Variants in ZNF532 observed in about 807,000 individuals in gnomAD.
ZNF532 encodes zinc finger protein 532.
ZNF532 carries 22 observed loss-of-function variants against 89.3 expected under a neutral mutation model. The ratio of observed to expected loss-of-function variants is 0.25; its 90% CI spans 0.18 to 0.35. The LOEUF is 0.35. Ranked by LOEUF, ZNF532 falls within the 10% of genes least tolerant of loss-of-function variation. The pLI is 1.00. For missense variants in ZNF532, 1,132 were observed against 1,643.4 expected (o/e 0.69, Z 5.38); for synonymous variants, 606 against 649.6 (o/e 0.93, Z 1.02).
At chr18:58,888,787 A>ATATATATATATATAAATTAT in intron 2 of ZNF532, among the ~76,000 whole-genome samples, 1 of 8,162 alleles carries the variant, frequency 1.2e-4, no homozygotes, top group South Asian at 3.4e-3. Context: ...ATATATATAA[A>ATATATATATATATAAATTAT]ATATATATAA....
rs1352831113 is a variant in ZNF532, at chr18:58,915,873, G to T, written c.-17-2398G>T. Among the ~76,000 whole-genome samples, 3 of 152,284 alleles carry T rather than the reference G, an allele frequency of 2.0e-5. No individual in the cohort carries two copies. In the East Asian group the frequency reaches 5.8e-4, roughly 29 times the overall value. The stretch of plus-strand genomic sequence containing the variant: ...TGTTCCTGAACTGACTGCCCTCTGG[G>T]ATGAACAGTGTGAAACTGTATAAAG... On this transcript the variant is annotated intron_variant, in intron 2 of 9. Transcript: ENST00000591808.
chr18:58,941,111 T>TAAAA (rs2062983417), intron 5 of ZNF532, among the ~76,000 whole-genome samples: 1 of 152,092 alleles, frequency 6.6e-6, no homozygotes, highest in Non-Finnish European at 1.5e-5. Flanking sequence ...ACCTTCATTC[T>TAAAA]GATCTTTGTA....
At chr18:58,973,660 A>G (rs1344594029) in intron 7 of ZNF532, among the ~76,000 whole-genome samples, 2 of 152,190 alleles carry the variant, frequency 1.3e-5, no homozygotes, top group African/African-American at 4.8e-5. Flanking sequence ...CCCAAGAGAA[A>G]TCATATGCAC....
intron 2 of ZNF532, among the ~76,000 whole-genome samples, chr18:58,904,142 G>C (rs2059774526): frequency 6.6e-6 from 1 of 152,146 alleles, no homozygotes. Flanking sequence ...CTTCAGCTCA[G>C]GGGTTTGGGA....
rs531324197 is a variant in ZNF532, at chr18:58,898,676, C to T, written c.-17-19595C>T. Among the ~76,000 whole-genome samples the T allele has an allele frequency of 7.9e-5, 12 of 152,326 alleles. No homozygotes were observed. The South Asian group carries it at 2.5e-3, about 32-fold the overall frequency. On this transcript the variant is annotated intron_variant, in intron 2 of 9. Coordinates refer to ENST00000591808, the MANE Select transcript of ZNF532 (RefSeq NM_001375912.1). ...CTCAAGCTTCCCAGGAGCCTGTCTC[C>T]ATCTAGGGTGATTTTATCGTATTCC...
intron 2 of ZNF532, among the ~76,000 whole-genome samples, chr18:58,875,471 G>A (rs745718129): frequency 2.2e-4 from 34 of 152,272 alleles, no homozygotes; most frequent in Non-Finnish European, 4.3e-4. Flanking sequence ...ATTCATATTT[G>A]TTGATAACAT....
chr18:58,876,725 T>C (rs12969520), intron 2 of ZNF532, among the ~76,000 whole-genome samples: 19,539 of 152,232 alleles, frequency 0.13, 1,655 homozygotes, highest in Middle Eastern at 0.24. Flanking sequence ...GTGCCTGTTA[T>C]GACTTCATGA....
intron 5 of ZNF532, among the ~76,000 whole-genome samples, chr18:58,945,171 C>T (rs2063544509): frequency 1.3e-5 from 2 of 152,314 alleles, no homozygotes; most frequent in South Asian, 2.1e-4. Context: ...TCAGTGTCCC[C>T]TGTTCTCATG....
chr18:58,964,529 TTTTG>T lies in ZNF532; in HGVS notation c.3150+10736_3150+10739del, dbSNP rs1327887432. On this transcript the variant is annotated intron_variant, in intron 7 of 9. Transcript: ENST00000591808. ...TTAGTTTTGGCCACTGGAATTGATA[TTTTG>T]TTTGTGTGTGTGTGTGTGTGTGTGT... Among the ~76,000 whole-genome samples the T allele has an allele frequency of 1.8e-3, 260 of 140,776 alleles. 3 individuals are homozygous for T. The highest frequency in any genetic ancestry group is 0.013 in the Admixed American group (186 of 13,858). The allele number at this position is 140,776 out of a possible 152,430, so 92.4% of individuals were successfully genotyped here.
At chr18:58,966,792 C>T (rs930787621) in intron 7 of ZNF532, among the ~76,000 whole-genome samples, 1 of 131,628 alleles carries the variant, frequency 7.6e-6, no homozygotes, top group Non-Finnish European at 1.6e-5. Flanking sequence ...ATGCTCTTTA[C>T]TGTGACATGT....
At chr18:58,905,161 A>G (rs941190799) in intron 2 of ZNF532, among the ~76,000 whole-genome samples, 3 of 152,044 alleles carry the variant, frequency 2.0e-5, no homozygotes, top group South Asian at 2.1e-4. Context: ...TGTTTCTAAT[A>G]ACCTATGGTT....
chr18:58,973,154 A>C (rs1603336301), intron 7 of ZNF532, among the ~76,000 whole-genome samples: 1 of 152,306 alleles, frequency 6.6e-6, no homozygotes, highest in South Asian at 2.1e-4. Context: ...CCAGGCTGGA[A>C]TGCAGTGGCA....
rs987547758 is a variant in ZNF532 at position 58,953,996 on chromosome 18, G to A, written c.3150+197G>A. ...AATCCTTCAGTCTTCAGTTTTCCTG[G>A]TCATTGCCTTCACATGCACTCCTCC... On this transcript the variant is annotated intron_variant, in intron 7 of 9. Coordinates refer to ENST00000591808, the MANE Select transcript of ZNF532 (RefSeq NM_001375912.1). 1.9e-5 allele frequency: 19 copies of A among 985,290 alleles called. No individual in the cohort carries two copies. In the East Asian group the frequency reaches 1.7e-3, roughly 88 times the overall value. The allele number at this position is 985,290 out of a possible 1,614,324, so 61.0% of individuals were successfully genotyped here.
chr18:58,984,610 G>A lies in ZNF532; in HGVS notation c.*144G>A, dbSNP rs1318620683. ...CTTTCAATGTACCTTCCTTCACCTCGTCGTATATATCCTCGATAAGTATTA... is the reference window on the plus strand; with the variant it reads ...CTTTCAATGTACCTTCCTTCACCTCATCGTATATATCCTCGATAAGTATTA... On this transcript the variant is annotated 3_prime_UTR_variant, in exon 10 of 10. Transcript: ENST00000591808. 20 of 942,400 alleles carry A rather than the reference G, an allele frequency of 2.1e-5. No homozygotes were observed. Among genetic ancestry groups the A allele is most frequent in the South Asian group, 3.7e-5 (2 of 54,308 alleles). The allele number at this position is 942,400 out of a possible 1,614,324, so 58.4% of individuals were successfully genotyped here.
intron 2 of ZNF532, among the ~76,000 whole-genome samples, chr18:58,870,043 G>T (rs2056846258): frequency 6.7e-6 from 1 of 150,120 alleles, no homozygotes; most frequent in Non-Finnish European, 1.5e-5. Flanking sequence ...TGGGATTACA[G>T]GTGTGAGCCA....
At chr18:58,875,492 C>T (rs1412984231) in intron 2 of ZNF532, among the ~76,000 whole-genome samples, 1 of 152,104 alleles carries the variant, frequency 6.6e-6, no homozygotes, top group Non-Finnish European at 1.5e-5. Flanking sequence ...TGAGTCTCTC[C>T]TTCTGTTAAC....
intron 3 of ZNF532, among the ~76,000 whole-genome samples, chr18:58,933,733 CT>C (rs1419698461): frequency 6.6e-6 from 1 of 152,126 alleles, no homozygotes; most frequent in Non-Finnish European, 1.5e-5. Context: ...TGGATAGTTA[CT>C]GATATAGAGC....
Position 58,981,478 on chromosome 18 carries a change from C to A in ZNF532, c.3272C>A (p.Pro1091Gln). The change falls in exon 9 of 10, where the codon CCA (proline) becomes CAA (glutamine). Residue 1091 changes from proline (P) to glutamine (Q), a missense_variant. Pro to Gln is a moderately conservative substitution (Grantham distance 76). This residue lies in a region of ZNF532 where 415 missense variants were observed against 604.8 expected (regional missense o/e 0.69). Transcript: ENST00000591808. ...TGCCTTTCACCCCACAGGCACTGCC[C>A]AGACTCCAGACGTACCTTTACCAAA... ...IRKVYACSHCPDSRRTFTKRL... is the reference protein window; with the variant it reads ...IRKVYACSHCQDSRRTFTKRL... The A allele has an allele frequency of 3.7e-6, 6 of 1,612,616 alleles. No homozygotes were observed. In the South Asian group the frequency reaches 6.6e-5, roughly 18 times the overall value.
rs543890673 is a variant in ZNF532, at chr18:58,918,359, C to T, written c.72C>T (p.Val24=). 8.1e-6 allele frequency: 13 copies of T among 1,614,126 alleles called. No individual in the cohort carries two copies. The highest frequency in any genetic ancestry group is 4.0e-5 in the African/African-American group (3 of 75,036). Reference sequence around the variant, plus strand: ...CAGCATTTGACATCCCAGATATGGTCGATCCTAAAGCAGCTATTGAGTCTG... The same window carrying T: ...CAGCATTTGACATCCCAGATATGGTTGATCCTAAAGCAGCTATTGAGTCTG... ...LLAAFDIPDM[V]DPKAAIESGH... The change falls in exon 3 of 10, where the codon GTC becomes GTT. Residue 24 remains valine (V), a synonymous_variant. Coordinates refer to ENST00000591808, the MANE Select transcript of ZNF532 (RefSeq NM_001375912.1).
Sources: allele counts gnomAD v4.1 joint callset (sites outside exome capture counted in the v4.1 genomes callset), GRCh38; gene constraint gnomAD v4.1.1; regional missense constraint gnomAD v4.1.1; transcripts MANE v1.5; gene names NCBI Gene and HGNC (gene_info 2026-07-23, HGNC 2026-07-21).